The following MED13 variants were observed in gnomAD, a reference collection of about 807,000 sequenced individuals.
The protein encoded by MED13 is mediator complex subunit 13.
MED13 carries 23 observed loss-of-function variants against 225.2 expected under a neutral mutation model. The ratio of observed to expected loss-of-function variants is 0.10; its 90% confidence interval spans 0.07 to 0.14. MED13 has a LOEUF of 0.14. MED13 is among the 10% of genes least tolerant of loss of function. MED13 has a pLI of 1.00. For synonymous variants in MED13, 942 were observed against 889.2 expected (o/e 1.06, Z -1.06); for missense variants, 2,197 against 2,594.5 (o/e 0.85, Z 3.33).
At chr17:62,020,051 T>C (rs1044280645) in intron 8 of MED13, among the ~76,000 whole-genome samples, 4 of 151,938 alleles carry the variant, frequency 2.6e-5, no homozygotes, top group Non-Finnish European at 4.4e-5. Flanking sequence ...GCCAAACAAC[T>C]GAACTTCATG....
At chr17:61,967,861 A>G (rs562031144) in intron 18 of MED13, among the ~76,000 whole-genome samples, 174 bp downstream of exon 18, 2 of 152,306 alleles carry the variant, frequency 1.3e-5, no homozygotes, top group East Asian at 3.9e-4. Context: ...CGGCATACAC[A>G]TCTAACAGAC....
At chr17:62,054,083 G>T (rs1356667042) in intron 2 of MED13, among the ~76,000 whole-genome samples, 2 of 152,004 alleles carry the variant, frequency 1.3e-5, no homozygotes, top group Non-Finnish European at 1.5e-5. Flanking sequence ...GAGGTGGGCG[G>T]ATCACCTGAG....
Position 61,950,179 on chromosome 17 carries a change from G to A in MED13, c.6291+646C>T, listed in dbSNP as rs867013060. On this transcript the variant is annotated intron_variant, in intron 28 of 29. Coordinates refer to ENST00000397786, the MANE Select transcript of MED13 (RefSeq NM_005121.3). ...CTAGAAAATGAGAAGGTTAGACAGA[G>A]GTAATATAAAGTTTCTCTCAGCTCT... Among the ~76,000 whole-genome samples the A allele has an allele frequency of 7.2e-5, 11 of 152,100 alleles. No homozygotes were observed. The Middle Eastern group carries it at 0.017, about 235-fold the overall frequency.
intron 16 of MED13, 102 bp downstream of exon 16, chr17:61,982,096 A>T: frequency 8.9e-7 from 1 of 1,126,406 alleles, no homozygotes; most frequent in Non-Finnish European, 1.3e-6. Context: ...GTCCAACTTT[A>T]AATGTATTTG....
rs1213105145 is a variant in MED13, at chr17:61,944,226, A to G, written c.*2242T>C. ...GGGAATAATTTTAAATCTACTTTCA[A>G]ATTGAGGTGTGGTTATCATAGGTTA... On this transcript the variant is annotated 3_prime_UTR_variant, in exon 30 of 30. Transcript: ENST00000397786. 6.6e-6 allele frequency: 1 copy of G among 152,556 alleles called. No individual in the cohort carries two copies. Among genetic ancestry groups the G allele is most frequent in the East Asian group, 1.9e-4 (1 of 5,192 alleles). The allele number at this position is 152,556 out of a possible 1,614,324, so 9.5% of individuals were successfully genotyped here.
chr17:62,030,655 G>A (rs2080746689), intron 6 of MED13: 1 of 152,228 alleles, frequency 6.6e-6, no homozygotes, highest in Non-Finnish European at 1.5e-5. Context: ...AGCTGAGCAT[G>A]AGCATATTTC....
chr17:62,048,069 T>C (rs1419927383), intron 3 of MED13, among the ~76,000 whole-genome samples: 1 of 146,366 alleles, frequency 6.8e-6, no homozygotes, highest in Admixed American at 6.9e-5. Flanking sequence ...TATATGTATA[T>C]ATGTATATAT....
At chr17:62,003,379 G>A (rs777971921) in intron 9 of MED13, among the ~76,000 whole-genome samples, 1 of 152,046 alleles carries the variant, frequency 6.6e-6, no homozygotes. Context: ...GCTGAGGCAG[G>A]TGGATCACCT....
chr17:61,961,803 CA>C, intron 21 of MED13, 24 bp from the exon 22 acceptor site: 1 of 1,597,072 alleles, frequency 6.3e-7, no homozygotes, highest in Non-Finnish European at 8.6e-7. Flanking sequence ...GCAAATATTA[CA>C]AATGTTAAAC....
In MED13 at chr17:62,035,623, A is replaced by G. The variant is rs1301381354; in HGVS notation, c.471-15T>C. ...ACAAGTGTTCACTAAAAAAGAAGAAAAAGTTTTATCTTAGTGATGACTAGT... is the reference window on the plus strand; with the variant it reads ...ACAAGTGTTCACTAAAAAAGAAGAAGAAGTTTTATCTTAGTGATGACTAGT... On this transcript the variant is annotated splice_polypyrimidine_tract_variant and intron_variant, in intron 3 of 29. Coordinates refer to ENST00000397786, the MANE Select transcript of MED13 (RefSeq NM_005121.3). The G allele has an allele frequency of 6.3e-7, 1 of 1,598,196 alleles. No homozygotes were observed.
chr17:62,014,452 G>T (rs1269739390), intron 8 of MED13, among the ~76,000 whole-genome samples: 4 of 152,036 alleles, frequency 2.6e-5, no homozygotes, highest in Non-Finnish European at 5.9e-5. Flanking sequence ...AAGTAGCTGG[G>T]ATTACAGGTG....
chr17:62,059,802 C>T (rs978712954), intron 2 of MED13, among the ~76,000 whole-genome samples: 3 of 152,136 alleles, frequency 2.0e-5, no homozygotes, highest in Non-Finnish European at 4.4e-5. Flanking sequence ...CTTTAAGATA[C>T]GTCTGATTTA....
intron 28 of MED13, among the ~76,000 whole-genome samples, chr17:61,949,684 CTTTTT>C (rs540753006): frequency 6.6e-6 from 1 of 151,588 alleles, no homozygotes; most frequent in African/African-American, 2.4e-5. Context: ...GATTATAAAT[CTTTTT>C]TTTGTTTGTT....
chr17:61,990,673 A>G (rs2080290216), intron 11 of MED13, among the ~76,000 whole-genome samples: 2 of 148,366 alleles, frequency 1.3e-5, no homozygotes, highest in African/African-American at 5.1e-5. Context: ...CCAAAACATC[A>G]TGTTGTATAC....
intron 3 of MED13, among the ~76,000 whole-genome samples, chr17:62,047,349 C>T (rs1446934606): frequency 2.0e-5 from 3 of 152,022 alleles, no homozygotes; most frequent in South Asian, 4.2e-4. Flanking sequence ...CCACCCTGGG[C>T]GATAGAGCAA....
At chr17:61,955,317 G>T in intron 26 of MED13, 65 bp downstream of exon 26, 2 of 1,289,072 alleles carry the variant, frequency 1.6e-6, no homozygotes, top group Non-Finnish European at 1.0e-6. Context: ...CACGTTTCAG[G>T]TATTGGACAT....
chr17:62,054,802 CAATT>C (rs1223715650), intron 2 of MED13, among the ~76,000 whole-genome samples: 1 of 152,134 alleles, frequency 6.6e-6, no homozygotes, highest in African/African-American at 2.4e-5. Flanking sequence ...TCTTTACAAT[CAATT>C]TAGTATCTTT....
In MED13 at chr17:61,979,481, T is replaced by G. The variant is rs541412509; in HGVS notation, c.3805+2717A>C. Reference sequence around the variant, plus strand: ...CATGCTACCACACCCAGCTAATTTTTGTATTTTTAGTAGAGATGGGTTTTG... The same window carrying G: ...CATGCTACCACACCCAGCTAATTTTGGTATTTTTAGTAGAGATGGGTTTTG... On this transcript the variant is annotated intron_variant, in intron 16 of 29. Coordinates refer to ENST00000397786, the MANE Select transcript of MED13 (RefSeq NM_005121.3). Among the ~76,000 whole-genome samples, 50 of 152,200 alleles carry G rather than the reference T, an allele frequency of 3.3e-4. No individual in the cohort carries two copies. The South Asian group carries it at 0.01, about 31-fold the overall frequency.
chr17:61,979,155 A>T (rs2080182151), intron 16 of MED13, among the ~76,000 whole-genome samples: 1 of 152,230 alleles, frequency 6.6e-6, no homozygotes, highest in Non-Finnish European at 1.5e-5. Flanking sequence ...TTTAAAGGGT[A>T]TCTGACTATA....
Sources: allele counts gnomAD v4.1 joint callset (sites outside exome capture counted in the v4.1 genomes callset), GRCh38; gene constraint gnomAD v4.1.1; transcripts MANE v1.5; gene names NCBI Gene and HGNC (gene_info 2026-07-23, HGNC 2026-07-21).